The following LRMDA variants were observed in gnomAD, a reference collection of about 807,000 sequenced individuals.
LRMDA encodes the protein leucine rich melanocyte differentiation associated.
Under a neutral mutation model 29.8 loss-of-function variants are expected in LRMDA, and 18 were observed. The ratio of observed to expected loss-of-function variants is 0.60; its 90% CI spans 0.42 to 0.90. The LOEUF is 0.90. Ranked by LOEUF, LRMDA falls within the 40% of genes least tolerant of loss-of-function variation. The pLI, the probability that LRMDA is intolerant of heterozygous loss-of-function variation, is 0.00. For synonymous variants in LRMDA, 125 were observed against 109.4 expected (o/e 1.14, Z -0.89); for missense variants, 273 against 273.9 (o/e 1.00, Z 0.02).
chr10:76,465,720 A>G (rs1842558154), intron 6 of LRMDA, among the ~76,000 whole-genome samples: 1 of 152,134 alleles, frequency 6.6e-6, no homozygotes, highest in Non-Finnish European at 1.5e-5. Flanking sequence ...AACAACAGAC[A>G]TTTATTTTCT....
At chr10:76,222,791 A>T in intron 5 of LRMDA, among the ~76,000 whole-genome samples, 1 of 152,354 alleles carries the variant, frequency 6.6e-6, no homozygotes, top group Non-Finnish European at 1.5e-5. Context: ...ACTATATATC[A>T]TGCTGCTATA....
intron 2 of LRMDA, among the ~76,000 whole-genome samples, chr10:75,707,826 T>TAG (rs1474749609): frequency 1.3e-5 from 2 of 152,170 alleles, no homozygotes; most frequent in African/African-American, 4.8e-5. Context: ...TTTTCCCTGT[T>TAG]AGAGGTGGGG....
chr10:76,190,437 A>C (rs1179453885), intron 5 of LRMDA, among the ~76,000 whole-genome samples: 1 of 152,182 alleles, frequency 6.6e-6, no homozygotes, highest in African/African-American at 2.4e-5. Flanking sequence ...AACCTTTTTC[A>C]AGGTTTACAT....
chr10:75,849,992 G>A (rs563801545), intron 2 of LRMDA, among the ~76,000 whole-genome samples: 25 of 152,188 alleles, frequency 1.6e-4, no homozygotes, highest in African/African-American at 6.0e-4. Flanking sequence ...CATATAAATT[G>A]TGAAATGGGA....
intron 2 of LRMDA, among the ~76,000 whole-genome samples, chr10:75,855,239 G>A (rs1486749172): frequency 1.3e-5 from 2 of 152,004 alleles, no homozygotes; most frequent in Non-Finnish European, 2.9e-5. Context: ...GTTGTTTCCT[G>A]ACTTTTTAAT....
chr10:76,215,966 T>C (rs1289734027), intron 5 of LRMDA, among the ~76,000 whole-genome samples: 2 of 152,198 alleles, frequency 1.3e-5, no homozygotes, highest in Non-Finnish European at 2.9e-5. Flanking sequence ...AAAGATTTCC[T>C]TAAAAAGACA....
chr10:75,782,659 A>G (rs1843403484), intron 2 of LRMDA: 4 of 1,010,550 alleles, frequency 4.0e-6, no homozygotes, highest in East Asian at 5.6e-5. Flanking sequence ...TTTGACTTCT[A>G]GTCCTCGCTG....
At chr10:75,583,988 C>T (rs1344401297) in intron 2 of LRMDA, among the ~76,000 whole-genome samples, 1 of 152,160 alleles carries the variant, frequency 6.6e-6, no homozygotes, top group Non-Finnish European at 1.5e-5. Context: ...TCCCAGCCCC[C>T]CCATAGGGAC....
At chr10:76,018,685 A>G (rs1847919343) in intron 2 of LRMDA, among the ~76,000 whole-genome samples, 1 of 149,164 alleles carries the variant, frequency 6.7e-6, no homozygotes, top group South Asian at 2.1e-4. Flanking sequence ...CTCCTGCCTC[A>G]GCCTCCCGAG....
At chr10:75,888,882 C>T (rs1845435719) in intron 2 of LRMDA, among the ~76,000 whole-genome samples, 1 of 152,164 alleles carries the variant, frequency 6.6e-6, no homozygotes, top group Non-Finnish European at 1.5e-5. Flanking sequence ...GGGTCTTAGA[C>T]AAGATGCCAA....
intron 2 of LRMDA, among the ~76,000 whole-genome samples, chr10:75,627,349 G>C (rs1841263917): frequency 6.6e-6 from 1 of 152,204 alleles, no homozygotes; most frequent in Admixed American, 6.5e-5. Flanking sequence ...CTTGGAAACT[G>C]TCTCCCCTAT....
At chr10:76,387,567 C>T (rs1271612379) in intron 6 of LRMDA, among the ~76,000 whole-genome samples, 3 of 150,942 alleles carry the variant, frequency 2.0e-5, no homozygotes, top group Non-Finnish European at 2.9e-5. Flanking sequence ...CATGCCGCTG[C>T]ACTCCAGCCT....
At chr10:76,440,817 A>C in intron 6 of LRMDA, among the ~76,000 whole-genome samples, 1 of 152,174 alleles carries the variant, frequency 6.6e-6, no homozygotes, top group Admixed American at 6.5e-5. Context: ...AGTATTTGGA[A>C]GACTCAAAGC....
chr10:76,316,309 G>C (rs2093512), intron 5 of LRMDA, among the ~76,000 whole-genome samples: 1 of 151,942 alleles, frequency 6.6e-6, no homozygotes, highest in Admixed American at 6.5e-5. Flanking sequence ...GCCTGGTCCA[G>C]ATGCAGCCTC....
At chr10:76,382,408 C>G (rs187441958) in intron 6 of LRMDA, among the ~76,000 whole-genome samples, 444 of 152,246 alleles carry the variant, frequency 2.9e-3, no homozygotes, top group Non-Finnish European at 5.1e-3. Flanking sequence ...CACTTGGTGG[C>G]CATCGTATTG....
intron 2 of LRMDA, among the ~76,000 whole-genome samples, chr10:76,008,542 T>C (rs1486654401): frequency 6.6e-6 from 1 of 152,266 alleles, no homozygotes; most frequent in Non-Finnish European, 1.5e-5. Flanking sequence ...GTTATATAAA[T>C]AGGTGGCATC....
chr10:76,414,084 T>C (rs145800356), intron 6 of LRMDA, among the ~76,000 whole-genome samples: 1 of 152,308 alleles, frequency 6.6e-6, no homozygotes, highest in African/African-American at 2.4e-5. Context: ...TAGGTTGTAC[T>C]TGGAGGTGAT....
At chr10:75,715,774 C>G (rs1250485280) in intron 2 of LRMDA, among the ~76,000 whole-genome samples, 1 of 151,892 alleles carries the variant, frequency 6.6e-6, no homozygotes, top group Admixed American at 6.6e-5. Flanking sequence ...GTCTCTCCTT[C>G]CTTCCCTTTT....
chr10:75,535,249 A>G (rs532294337), intron 2 of LRMDA, among the ~76,000 whole-genome samples: 27 of 152,246 alleles, frequency 1.8e-4, no homozygotes, highest in Admixed American at 1.3e-3. Flanking sequence ...GATTTCAACC[A>G]AGTTTTTCTT....
Sources: allele counts gnomAD v4.1 joint callset (sites outside exome capture counted in the v4.1 genomes callset), GRCh38; gene constraint gnomAD v4.1.1; transcripts MANE v1.5; gene names NCBI Gene and HGNC (gene_info 2026-07-23, HGNC 2026-07-21).